Variants in PRKG1 observed in about 807,000 individuals in gnomAD.
PRKG1 encodes the protein protein kinase cGMP-dependent 1.
PRKG1 carries 35 observed loss-of-function variants against 88.1 expected under a neutral mutation model. The observed-to-expected ratio is 0.40, with a 90% CI of 0.30 to 0.53. The LOEUF is 0.53. Among genes scored for constraint, PRKG1 ranks in the 20% least tolerant of loss-of-function variants. PRKG1 has a pLI of 0.59. For missense variants in PRKG1, 540 were observed against 839.8 expected (o/e 0.64, Z 4.41); for synonymous variants, 303 against 292.5 (o/e 1.04, Z -0.37).
intron 2 of PRKG1, among the ~76,000 whole-genome samples, chr10:51,307,500 G>T (rs1841069024): frequency 6.6e-6 from 1 of 152,136 alleles, no homozygotes; most frequent in African/African-American, 2.4e-5. Flanking sequence ...GAAAAGTGGA[G>T]TTCTTTTTTC....
At chr10:52,104,254 T>C (rs1216419485) in intron 7 of PRKG1, among the ~76,000 whole-genome samples, 3 of 151,912 alleles carry the variant, frequency 2.0e-5, no homozygotes, top group Non-Finnish European at 2.9e-5. Flanking sequence ...AATAAAGTAA[T>C]AGATAAAATG....
intron 1 of PRKG1, among the ~76,000 whole-genome samples, chr10:51,031,881 G>A (rs896755026): frequency 3.7e-4 from 56 of 152,252 alleles, no homozygotes; most frequent in African/African-American, 1.3e-3. Flanking sequence ...CTTGAACTAA[G>A]AAATGAACCT....
At chr10:52,116,805 A>G (rs1230439092) in intron 7 of PRKG1, among the ~76,000 whole-genome samples, 1 of 152,148 alleles carries the variant, frequency 6.6e-6, no homozygotes, top group Non-Finnish European at 1.5e-5. Context: ...TCTTCCCAAA[A>G]TTAGCCCTGT....
intron 4 of PRKG1, among the ~76,000 whole-genome samples, chr10:51,810,604 C>T (rs908781031): frequency 6.6e-6 from 1 of 152,052 alleles, no homozygotes; most frequent in African/African-American, 2.4e-5. Flanking sequence ...TGTGCTTTTC[C>T]CTTATTCTCT....
At chr10:51,210,812 G>A (rs190622034) in intron 2 of PRKG1, among the ~76,000 whole-genome samples, 598 of 152,248 alleles carry the variant, frequency 3.9e-3, no homozygotes, top group Non-Finnish European at 6.5e-3. Context: ...TGAAATTGAG[G>A]CAATAATTAA....
chr10:51,255,566 A>G (rs1231332034), intron 2 of PRKG1, among the ~76,000 whole-genome samples: 2 of 152,136 alleles, frequency 1.3e-5, no homozygotes, highest in African/African-American at 4.8e-5. Context: ...GTCTCTACAA[A>G]GCATTGCTTT....
chr10:51,615,323 G>T (rs1044101997), intron 3 of PRKG1, among the ~76,000 whole-genome samples: 1 of 151,988 alleles, frequency 6.6e-6, no homozygotes, highest in African/African-American at 2.4e-5. Context: ...AGACCTTTCT[G>T]CATTATATCT....
At chr10:52,026,344 C>G (rs1845336375) in intron 5 of PRKG1, among the ~76,000 whole-genome samples, 2 of 152,156 alleles carry the variant, frequency 1.3e-5, no homozygotes, top group Non-Finnish European at 2.9e-5. Flanking sequence ...AACTAAATTA[C>G]ACTTCTTTGC....
At chr10:51,210,778 C>G (rs907895929) in intron 2 of PRKG1, among the ~76,000 whole-genome samples, 4 of 152,160 alleles carry the variant, frequency 2.6e-5, no homozygotes, top group South Asian at 2.1e-4. Context: ...GAAGTTGAAT[C>G]TCTGAATAGA....
chr10:51,146,465 T>G (rs1459867831), intron 1 of PRKG1, among the ~76,000 whole-genome samples: 1 of 151,858 alleles, frequency 6.6e-6, no homozygotes, highest in African/African-American at 2.4e-5. Context: ...TCCTTGTATT[T>G]TCTGAACATT....
chr10:51,950,382 A>C (rs998796751), intron 5 of PRKG1, among the ~76,000 whole-genome samples: 1 of 152,246 alleles, frequency 6.6e-6, no homozygotes, highest in Non-Finnish European at 1.5e-5. Context: ...TTAAAATTAC[A>C]AGTTTTCAAT....
At chr10:51,743,699 T>TAA (rs1264519380) in intron 3 of PRKG1, among the ~76,000 whole-genome samples, 2 of 122,042 alleles carry the variant, frequency 1.6e-5, no homozygotes, top group Non-Finnish European at 3.3e-5. Flanking sequence ...ATTATATATA[T>TAA]AATATAAACT....
At chr10:51,231,280 T>C (rs1838837621) in intron 2 of PRKG1, among the ~76,000 whole-genome samples, 1 of 152,172 alleles carries the variant, frequency 6.6e-6, no homozygotes, top group Admixed American at 6.5e-5. Flanking sequence ...TTACTGGCAG[T>C]AAGGGAAGGT....
rs192922575 is a variant in PRKG1, at chr10:51,961,441, G to A, written c.762+53871G>A. Among the ~76,000 whole-genome samples the A allele has an allele frequency of 4.6e-5, 7 of 152,292 alleles. No individual in the cohort carries two copies. In the South Asian group the frequency reaches 8.3e-4, roughly 18 times the overall value. On this transcript the variant is annotated intron_variant, in intron 5 of 17. Transcript: ENST00000373980. ...TGCACAATTCAAACCCATGTTGCTCGAGTCAACTGTGCAAAGTAAGGTGTG... is the reference window on the plus strand; with the variant it reads ...TGCACAATTCAAACCCATGTTGCTCAAGTCAACTGTGCAAAGTAAGGTGTG...
chr10:51,209,155 T>C (rs1236310199), intron 2 of PRKG1, among the ~76,000 whole-genome samples: 2 of 152,160 alleles, frequency 1.3e-5, no homozygotes, highest in Non-Finnish European at 2.9e-5. Flanking sequence ...GATATTGTTT[T>C]GACTAGTGTT....
intron 3 of PRKG1, among the ~76,000 whole-genome samples, chr10:51,730,458 A>C (rs1025025814): frequency 1.2e-4 from 19 of 152,210 alleles, no homozygotes; most frequent in East Asian, 3.9e-4. Flanking sequence ...TTCTTTACTC[A>C]TGTGAAGTGG....
At chr10:51,832,931 T>A (rs1169122676) in intron 4 of PRKG1, among the ~76,000 whole-genome samples, 3 of 152,190 alleles carry the variant, frequency 2.0e-5, no homozygotes, top group Non-Finnish European at 4.4e-5. Flanking sequence ...ATGGAAACTT[T>A]TAGTCCCTTC....
At chr10:51,970,050 A>ACACACACC (rs983494491) in intron 5 of PRKG1, among the ~76,000 whole-genome samples, 1,763 of 133,478 alleles carry the variant, frequency 0.013, 22 homozygotes, top group Non-Finnish European at 0.018. Context: ...ACACACACAC[A>ACACACACC]CCCATATTTA....
At chr10:52,173,029 C>T (rs12268002) in intron 9 of PRKG1, among the ~76,000 whole-genome samples, 11,015 of 152,226 alleles carry the variant, frequency 0.072, 1,366 homozygotes, top group African/African-American at 0.25. Flanking sequence ...CTTTTGGAAT[C>T]GTAACTCCCT....
Sources: gnomAD v4.1 joint callset for allele counts (sites outside exome capture counted in the v4.1 genomes callset) on GRCh38, gnomAD v4.1.1 for gene constraint, MANE v1.5 for transcripts, NCBI Gene and HGNC (gene_info 2026-07-23, HGNC 2026-07-21) for gene names.